Variants in RCHY1 observed in about 807,000 individuals in gnomAD.
RCHY1 encodes ring finger and CHY zinc finger domain containing 1.
RCHY1 carries 21 observed loss-of-function variants against 41.6 expected under a neutral mutation model. That is an observed-to-expected ratio of 0.51 (90% confidence interval 0.36 to 0.73). The LOEUF is 0.73. Ranked by LOEUF, RCHY1 falls within the 30% of genes least tolerant of loss-of-function variation. RCHY1 has a pLI of 0.00. For synonymous variants in RCHY1, 79 were observed against 102.9 expected, an observed-to-expected ratio of 0.77 and a Z score of 1.41; for missense variants, 265 against 325.3, an observed-to-expected ratio of 0.81 and a Z score of 1.43.
intron 3 of RCHY1, among the ~76,000 whole-genome samples, chr4:75,496,645 G>C (rs1186502002): frequency 6.6e-6 from 1 of 152,076 alleles, no homozygotes; most frequent in African/African-American, 2.4e-5. Flanking sequence ...CCTCAACAGT[G>C]GAGAATAGCC....
At chr4:75,508,793 T>G (rs369408765) in intron 3 of RCHY1, 27 bp downstream of exon 3, 130 of 1,313,056 alleles carry the variant, frequency 9.9e-5, no homozygotes, top group Non-Finnish European at 4.9e-5. Context: ...TAGAAGCAAT[T>G]AGATAAGAAC....
intron 8 of RCHY1, among the ~76,000 whole-genome samples, chr4:75,487,513 AATAT>A (rs1188232907): frequency 6.4e-5 from 8 of 125,816 alleles, no homozygotes; most frequent in Non-Finnish European, 9.9e-5. Flanking sequence ...ATATATTCAT[AATAT>A]ATATATTCAT....
chr4:75,496,853 A>G (rs1346809722), intron 3 of RCHY1, among the ~76,000 whole-genome samples: 1 of 152,186 alleles, frequency 6.6e-6, no homozygotes, highest in East Asian at 1.9e-4. Flanking sequence ...CCAGGCAACA[A>G]AGAGGCAGAA....
intron 3 of RCHY1, among the ~76,000 whole-genome samples, chr4:75,498,188 A>T (rs1400786884): frequency 6.6e-6 from 1 of 151,544 alleles, no homozygotes; most frequent in African/African-American, 2.4e-5. Flanking sequence ...AAAGATAGAT[A>T]CTATTACGAA....
intron 8 of RCHY1, among the ~76,000 whole-genome samples, chr4:75,483,315 T>C (rs575913665): frequency 3.9e-4 from 60 of 152,298 alleles, no homozygotes; most frequent in Non-Finnish European, 4.6e-4. Context: ...AGCACTAGTT[T>C]TTGAATAGTC....
intron 1 of RCHY1, among the ~76,000 whole-genome samples, chr4:75,513,173 A>G (rs1326113472): frequency 6.6e-6 from 1 of 152,232 alleles, no homozygotes; most frequent in African/African-American, 2.4e-5. Flanking sequence ...TCGTCAAGCC[A>G]TGACCTATAG....
At chr4:75,487,938 A>AT (rs74670567) in intron 8 of RCHY1, among the ~76,000 whole-genome samples, 9,422 of 136,882 alleles carry the variant, frequency 0.069, 787 homozygotes, top group African/African-American at 0.16. Flanking sequence ...TTGGTCAAGT[A>AT]TTTTAAATCT....
chr4:75,513,980 G>T (rs1017818972), intron 1 of RCHY1: 15 of 591,044 alleles, frequency 2.5e-5, no homozygotes, highest in African/African-American at 2.0e-4. Flanking sequence ...CACTTCCCAA[G>T]AAGGGTTTTG....
intron 3 of RCHY1, among the ~76,000 whole-genome samples, chr4:75,504,079 G>A (rs1181652916): frequency 1.3e-5 from 2 of 152,194 alleles, no homozygotes; most frequent in African/African-American, 4.8e-5. Flanking sequence ...GTAATGATAA[G>A]CCAAGACTTA....
chr4:75,494,153 T>A lies in RCHY1; in HGVS notation c.353A>T (p.His118Leu). ...TAGGCATAAGTTACATTTCAAACAA[T>A]GGAAAAAATCTTCCTTTGGACCAAT... ...CRIGPKEDFF[H>L]CLKCNLCLAM... The change falls in exon 4 of 9, where the codon CAT (histidine) becomes CTT (leucine). Residue 118 changes from histidine to leucine, a missense_variant. By Grantham distance (99) the His-to-Leu change is moderately conservative. Transcript: ENST00000324439. 6.4e-7 allele frequency: 1 copy of A among 1,566,640 alleles called. No individual in the cohort carries two copies. Among genetic ancestry groups the A allele is most frequent in the South Asian group, 1.2e-5 (1 of 83,664 alleles).
intron 1 of RCHY1, among the ~76,000 whole-genome samples, chr4:75,511,595 C>T (rs1313720099): frequency 2.0e-5 from 3 of 152,052 alleles, no homozygotes; most frequent in African/African-American, 7.2e-5. Context: ...ATCAAAACTT[C>T]CCATGTCATT....
intron 8 of RCHY1, among the ~76,000 whole-genome samples, chr4:75,483,065 C>T: frequency 6.6e-6 from 1 of 152,190 alleles, no homozygotes; most frequent in Non-Finnish European, 1.5e-5. Flanking sequence ...AATTTTTACA[C>T]AAATAATATT....
At chr4:75,486,434 A>G (rs943471248) in intron 8 of RCHY1, among the ~76,000 whole-genome samples, 1 of 151,932 alleles carries the variant, frequency 6.6e-6, no homozygotes, top group Non-Finnish European at 1.5e-5. Context: ...ATTTTTATAT[A>G]GTATAGAAAA....
At chr4:75,510,964 A>C (rs2148779293) in intron 1 of RCHY1, among the ~76,000 whole-genome samples, 1 of 152,298 alleles carries the variant, frequency 6.6e-6, no homozygotes, top group African/African-American at 2.4e-5. Flanking sequence ...GTATTTTAAT[A>C]GCCTTTTTGG....
intron 3 of RCHY1, among the ~76,000 whole-genome samples, chr4:75,503,172 T>A (rs1723952239): frequency 6.6e-6 from 1 of 152,170 alleles, no homozygotes; most frequent in Non-Finnish European, 1.5e-5. Flanking sequence ...GTCATTAGCA[T>A]CTGCTACCCC....
chr4:75,507,332 T>A (rs1724417608), intron 3 of RCHY1, among the ~76,000 whole-genome samples: 1 of 151,850 alleles, frequency 6.6e-6, no homozygotes, highest in Non-Finnish European at 1.5e-5. Context: ...ATTTCTAGGA[T>A]AACCACTAAG....
intron 3 of RCHY1, among the ~76,000 whole-genome samples, chr4:75,499,389 T>TA (rs1366215860): frequency 1.1e-4 from 16 of 152,238 alleles, no homozygotes; most frequent in Admixed American, 9.8e-4. Flanking sequence ...AGACTAAACA[T>TA]AGAGCTACCA....
chr4:75,486,882 G>A (rs1434462258), intron 8 of RCHY1, among the ~76,000 whole-genome samples: 1 of 152,116 alleles, frequency 6.6e-6, no homozygotes, highest in African/African-American at 2.4e-5. Context: ...GGGAGGCTGA[G>A]GCAGAAGAAT....
intron 3 of RCHY1, among the ~76,000 whole-genome samples, chr4:75,504,058 T>G (rs577960064): frequency 6.6e-6 from 1 of 152,248 alleles, no homozygotes; most frequent in South Asian, 2.1e-4. Context: ...TTTGGTAATA[T>G]GTGTACAGAA....
Sources: allele counts gnomAD v4.1 joint callset (sites outside exome capture counted in the v4.1 genomes callset), GRCh38; gene constraint gnomAD v4.1.1; transcripts MANE v1.5; gene names NCBI Gene and HGNC (gene_info 2026-07-23, HGNC 2026-07-21).